ETV6: variants seen among roughly 807,000 people sequenced by gnomAD.
The protein encoded by ETV6 is ETS variant transcription factor 6.
ETV6 carries 16 observed loss-of-function variants against 51.1 expected under a neutral mutation model. The ratio of observed to expected loss-of-function variants is 0.31; its 90% confidence interval spans 0.21 to 0.48. ETV6 has a LOEUF of 0.48. ETV6 is among the 20% of genes least tolerant of loss of function. The probability of loss-of-function intolerance (pLI) is 0.99; values close to 1 mark genes in which losing one functional copy is unlikely to be tolerated. For missense variants in ETV6, 458 were observed against 594.8 expected (o/e 0.77, Z 2.39); for synonymous variants, 240 against 224.1 (o/e 1.07, Z -0.64).
At chr12:11,831,551 T>C (rs1229473884) in intron 2 of ETV6, among the ~76,000 whole-genome samples, 1 of 152,078 alleles carries the variant, frequency 6.6e-6, no homozygotes, top group African/African-American at 2.4e-5. Context: ...AATATAAAAG[T>C]AAAACATGCT....
At chr12:11,701,074 T>A (rs1174798963) in intron 1 of ETV6, among the ~76,000 whole-genome samples, 2 of 152,164 alleles carry the variant, frequency 1.3e-5, no homozygotes, top group Non-Finnish European at 2.9e-5. Context: ...CCTATGTTTT[T>A]TTTTTTTACT....
At chr12:11,693,397 C>T (rs975277108) in intron 1 of ETV6, among the ~76,000 whole-genome samples, 2 of 152,180 alleles carry the variant, frequency 1.3e-5, no homozygotes, top group Admixed American at 1.3e-4. Context: ...TTACTCCTAA[C>T]CTGTCTCCCA....
chr12:11,878,908 T>G (rs187093176), intron 5 of ETV6, among the ~76,000 whole-genome samples: 1 of 151,008 alleles, frequency 6.6e-6, no homozygotes, highest in Non-Finnish European at 1.5e-5. Flanking sequence ...CTCAACACTC[T>G]CGATATTTGG....
intron 1 of ETV6, among the ~76,000 whole-genome samples, chr12:11,738,309 T>C (rs1468712968): frequency 6.9e-5 from 1 of 14,590 alleles, no homozygotes; most frequent in Non-Finnish European, 2.9e-3. Flanking sequence ...TGTTTTTGCT[T>C]TTTTTTTTTT....
intron 2 of ETV6, among the ~76,000 whole-genome samples, chr12:11,780,904 G>A (rs188106024): frequency 1.7e-4 from 26 of 152,314 alleles, no homozygotes; most frequent in African/African-American, 6.0e-4. Flanking sequence ...TCTTCATGGC[G>A]AAGTTAAGCA....
intron 4 of ETV6, among the ~76,000 whole-genome samples, chr12:11,860,133 G>A (rs928064095): frequency 6.6e-6 from 1 of 152,126 alleles, no homozygotes; most frequent in Admixed American, 6.5e-5. Context: ...TGCAGGTCAC[G>A]CCTTGAAAGC....
At chr12:11,734,823 G>A (rs1231121073) in intron 1 of ETV6, among the ~76,000 whole-genome samples, 1 of 152,154 alleles carries the variant, frequency 6.6e-6, no homozygotes, top group East Asian at 1.9e-4. Flanking sequence ...GGCAAAGTAA[G>A]CCTGGATGCT....
chr12:11,842,096 AAAG>A lies in ETV6; in HGVS notation c.328+2802_328+2804del, dbSNP rs1452323199. The stretch of plus-strand genomic sequence containing the variant: ...GACTCCGTCTCAAAAAAAAAAAAAA[AAAG>A]AAGAAGAAGGAGATGTAGGCTGGTG... On this transcript the variant is annotated intron_variant, in intron 3 of 7. Coordinates refer to ENST00000396373, the MANE Select transcript of ETV6 (RefSeq NM_001987.5). 1.5e-4 allele frequency among the ~76,000 whole-genome samples: 22 copies of A among 148,528 alleles called. 1 individual carries two copies. The highest frequency in any genetic ancestry group is 6.6e-4 in the Admixed American group (10 of 15,076).
intron 1 of ETV6, among the ~76,000 whole-genome samples, chr12:11,730,618 C>T (rs1865575412): frequency 2.0e-5 from 3 of 152,160 alleles, no homozygotes; most frequent in Admixed American, 2.0e-4. Context: ...GACAGTTGTC[C>T]CTGCTCTGTG....
At chr12:11,666,979 G>A (rs549864635) in intron 1 of ETV6, among the ~76,000 whole-genome samples, 9 of 152,326 alleles carry the variant, frequency 5.9e-5, no homozygotes, top group African/African-American at 2.2e-4. Flanking sequence ...TTGTGCAGTA[G>A]GTTGAGAGTT....
chr12:11,664,036 A>G (rs1451250545), intron 1 of ETV6, among the ~76,000 whole-genome samples: 1 of 152,164 alleles, frequency 6.6e-6, no homozygotes, highest in African/African-American at 2.4e-5. Flanking sequence ...GAATAGGTAA[A>G]TCACCTCCCC....
rs1228377132 is a variant in ETV6, at chr12:11,891,508, G to C, written c.*462G>C. On this transcript the variant is annotated 3_prime_UTR_variant, in exon 8 of 8. Transcript: ENST00000396373. ...TCACAAAGTGCGGCAAGCCCAGCTG[G>C]TCAGGAAAGAGAATACTTGCAGAGG... The C allele has an allele frequency of 1.9e-6, 1 of 518,482 alleles. No individual in the cohort carries two copies. The highest frequency in any genetic ancestry group is 1.6e-5 in the South Asian group (1 of 61,570). 32.1% of individuals were successfully genotyped at this position (518,482 alleles called of 1,614,324 possible).
chr12:11,845,544 G>T (rs1388021143), intron 3 of ETV6, among the ~76,000 whole-genome samples: 2 of 151,906 alleles, frequency 1.3e-5, no homozygotes, highest in Non-Finnish European at 1.5e-5. Context: ...TTTTCTCAGG[G>T]TCTCTGTGTA....
At chr12:11,695,683 C>CT (rs1187284333) in intron 1 of ETV6, among the ~76,000 whole-genome samples, 4 of 152,148 alleles carry the variant, frequency 2.6e-5, no homozygotes, top group African/African-American at 9.7e-5. Context: ...CATGGCTGTC[C>CT]TTGTGTTTGT....
In ETV6 at chr12:11,852,456, A is replaced by G. The variant is rs1402278526; in HGVS notation, c.329-971A>G. ...GTTACCACCTCTAACCGGACTTGTG[A>G]ATTTTTTTCATGTTTATTCTTTTCC... On this transcript the variant is annotated intron_variant, in intron 3 of 7. Coordinates refer to ENST00000396373, the MANE Select transcript of ETV6 (RefSeq NM_001987.5). Among the ~76,000 whole-genome samples, 5 of 152,268 alleles carry G rather than the reference A, an allele frequency of 3.3e-5. No homozygotes were observed. In the East Asian group the frequency reaches 9.6e-4, roughly 29 times the overall value.
chr12:11,733,183 C>T (rs538175923), intron 1 of ETV6, among the ~76,000 whole-genome samples: 10 of 152,206 alleles, frequency 6.6e-5, no homozygotes, highest in East Asian at 1.9e-4. Context: ...CCAAAGCAGG[C>T]GGATCATGAG....
chr12:11,776,361 TTAGAA>T (rs897606110), intron 2 of ETV6, among the ~76,000 whole-genome samples: 22 of 152,198 alleles, frequency 1.4e-4, no homozygotes, highest in African/African-American at 4.6e-4. Flanking sequence ...ATGTTGATTT[TTAGAA>T]TAATAAAATA....
intron 1 of ETV6, among the ~76,000 whole-genome samples, chr12:11,712,346 T>C (rs7963730): frequency 0.1 from 15,833 of 152,244 alleles, 2,022 homozygotes; most frequent in African/African-American, 0.3. Context: ...TAAGATGAAA[T>C]GACAGTTCTA....
intron 5 of ETV6, among the ~76,000 whole-genome samples, chr12:11,871,417 C>A (rs1834624706): frequency 6.6e-6 from 1 of 152,032 alleles, no homozygotes; most frequent in African/African-American, 2.4e-5. Flanking sequence ...GTCTTGATCT[C>A]CTGACCTCGC....
Sources: gnomAD v4.1 joint callset for allele counts (sites outside exome capture counted in the v4.1 genomes callset) on GRCh38, gnomAD v4.1.1 for gene constraint, MANE v1.5 for transcripts, NCBI Gene and HGNC (gene_info 2026-07-23, HGNC 2026-07-21) for gene names.